The following CUL3 variants were observed in gnomAD, a reference collection of about 807,000 sequenced individuals.
The protein encoded by CUL3 is cullin-3.
Under a neutral mutation model 89.1 loss-of-function variants are expected in CUL3, and 19 were observed. That is an observed-to-expected ratio of 0.21 (90% confidence interval 0.15 to 0.31). The LOEUF (loss-of-function observed/expected upper bound fraction) is 0.31. Among genes scored for constraint, CUL3 ranks in the 10% least tolerant of loss-of-function variants. The pLI is 1.00. For missense variants in CUL3, 469 were observed against 942.3 expected (o/e 0.50, Z 6.58); for synonymous variants, 351 against 308.4 (o/e 1.14, Z -1.45).
intron 1 of CUL3, among the ~76,000 whole-genome samples, chr2:224,576,702 G>A (rs1695308202): frequency 6.8e-6 from 1 of 147,844 alleles, no homozygotes; most frequent in Non-Finnish European, 1.5e-5. Flanking sequence ...GGGGGGGGAG[G>A]AGAAGGAGGA....
chr2:224,471,750 C>T lies in CUL3; in HGVS notation c.*2495G>A, dbSNP rs1468853576. ...ATTTTCAGTCTTTAAATAATGTTAA[C>T]GATTCAAAATAAACACTGTCCTGGA... On this transcript the variant is annotated 3_prime_UTR_variant, in exon 16 of 16. Coordinates refer to ENST00000264414, the MANE Select transcript of CUL3 (RefSeq NM_003590.5). The T allele has an allele frequency of 4.5e-6, 1 of 224,666 alleles. No individual in the cohort carries two copies. Among genetic ancestry groups the T allele is most frequent in the Non-Finnish European group, 8.9e-6 (1 of 112,898 alleles). The allele number at this position is 224,666 out of a possible 1,614,324, so 13.9% of individuals were successfully genotyped here.
chr2:224,514,674 A>G lies in CUL3; in HGVS notation c.477T>C (p.Asp159=). ...TATCCAATAGAGTTTGCCGTAGATG[A>G]TCCCTAATACACCCATAACGTACAA... ...DQVVRYGCIR[D]HLRQTLLDMI... is the part of the protein sequence containing the mutation. Residue 159 remains aspartate (D), a synonymous_variant, in exon 4 of 16, where the codon GAT becomes GAC. Coordinates refer to ENST00000264414, the MANE Select transcript of CUL3 (RefSeq NM_003590.5). 1 of 1,613,788 alleles carries G rather than the reference A, an allele frequency of 6.2e-7. No homozygotes were observed. Among genetic ancestry groups the G allele is most frequent in the Middle Eastern group, 1.7e-4 (1 of 6,058 alleles).
At chr2:224,479,891 A>G (rs866234186) in intron 14 of CUL3, 11 of 152,188 alleles carry the variant, frequency 7.2e-5, no homozygotes, top group African/African-American at 2.7e-4. Flanking sequence ...GGTCACCTAA[A>G]TAAGTGTCTT....
chr2:224,555,182 C>A (rs1694655561), intron 2 of CUL3, among the ~76,000 whole-genome samples: 1 of 150,258 alleles, frequency 6.7e-6, no homozygotes, highest in African/African-American at 2.4e-5. Flanking sequence ...AAGGTATCTT[C>A]CAAGGATAAA....
intron 14 of CUL3, chr2:224,478,557 G>C (rs548680385): frequency 1.1e-3 from 462 of 413,482 alleles, no homozygotes; most frequent in Non-Finnish European, 1.6e-3. Context: ...TTAACTTTGA[G>C]ATAATAAAGT....
intron 1 of CUL3, chr2:224,569,956 CAAAAAAAAAAA>C (rs71062948): frequency 1.7e-5 from 1 of 57,292 alleles, no homozygotes; most frequent in Non-Finnish European, 3.3e-5. Flanking sequence ...GCTCCAGTCT[CAAAAAAAAAAA>C]AAAAAAAAAA....
Position 224,511,431 on chromosome 2 carries a change from A to G in CUL3, c.806T>C (p.Ile269Thr), listed in dbSNP as rs1574643598. Residue 269 changes from isoleucine (I) to threonine (T), a missense_variant, in exon 6 of 16, where the codon ATT (isoleucine) becomes ACT (threonine). Physicochemically the swap from Ile to Thr is moderately conservative, Grantham distance 89. Coordinates refer to ENST00000264414, the MANE Select transcript of CUL3 (RefSeq NM_003590.5). ...TACTATAGTCTTCATGTGCTTGGAA[A>G]TGAGTTCCCTTTCAACCACCTTTAC... ...PIVKVVERELISKHMKTIVEM... is the reference protein window; with the variant it reads ...PIVKVVERELTSKHMKTIVEM... The G allele has an allele frequency of 6.2e-7, 1 of 1,613,940 alleles. No homozygotes were observed. The highest frequency in any genetic ancestry group is 8.5e-7 in the Non-Finnish European group (1 of 1,179,902).
At chr2:224,542,184 T>C (rs1395476248) in intron 2 of CUL3, among the ~76,000 whole-genome samples, 1 of 152,212 alleles carries the variant, frequency 6.6e-6, no homozygotes, top group South Asian at 2.1e-4. Flanking sequence ...TGTTAAACAA[T>C]TTGAGTATAT....
chr2:224,572,980 G>T (rs959968973), intron 1 of CUL3, among the ~76,000 whole-genome samples: 6 of 152,166 alleles, frequency 3.9e-5, no homozygotes, highest in African/African-American at 1.4e-4. Flanking sequence ...ACCACAAAAA[G>T]ATTTCAAGAG....
At chr2:224,515,372 G>C (rs1693001959) in intron 3 of CUL3, among the ~76,000 whole-genome samples, 1 of 152,218 alleles carries the variant, frequency 6.6e-6, no homozygotes, top group Non-Finnish European at 1.5e-5. Flanking sequence ...ATCCAGAAGT[G>C]TTGTGCATTC....
chr2:224,571,456 G>A (rs1695178590), intron 1 of CUL3, among the ~76,000 whole-genome samples: 1 of 151,944 alleles, frequency 6.6e-6, no homozygotes, highest in Admixed American at 6.6e-5. Flanking sequence ...CAAATTGATT[G>A]TACCTAAATC....
At position 224,471,055 on chromosome 2, in the gene CUL3, A is replaced by T. The variant is rs887133977; in HGVS notation, c.*3190T>A. On this transcript the variant is annotated 3_prime_UTR_variant, in exon 16 of 16. Coordinates refer to ENST00000264414, the MANE Select transcript of CUL3 (RefSeq NM_003590.5). The stretch of plus-strand genomic sequence containing the variant: ...AAATATTCAGAATAGTATCTGGCAT[A>T]TGATAAGCACTTAAATGTTAACATT... 18 of 225,242 alleles carry T rather than the reference A, an allele frequency of 8.0e-5. No homozygotes were observed. In the East Asian group the frequency reaches 1.2e-3, roughly 15 times the overall value. 14.0% of individuals were successfully genotyped at this position (225,242 alleles called of 1,614,324 possible).
chr2:224,561,553 T>C (rs1158640443), intron 1 of CUL3, among the ~76,000 whole-genome samples: 2 of 152,214 alleles, frequency 1.3e-5, no homozygotes, highest in Non-Finnish European at 2.9e-5. Context: ...ATTCTGATCT[T>C]TTCTGAAGAG....
intron 6 of CUL3, among the ~76,000 whole-genome samples, chr2:224,508,775 C>T (rs960437159): frequency 6.6e-6 from 1 of 151,940 alleles, no homozygotes; most frequent in African/African-American, 2.4e-5. Context: ...CTGGCTAACA[C>T]GGTGAAACCC....
intron 13 of CUL3, among the ~76,000 whole-genome samples, chr2:224,484,754 T>C (rs773846011): frequency 3.3e-5 from 5 of 152,228 alleles, no homozygotes; most frequent in African/African-American, 7.2e-5. Flanking sequence ...ATCCATGGAA[T>C]TGAGGTCTTA....
chr2:224,506,796 CT>C (rs2106205400), intron 7 of CUL3, 61 bp downstream of exon 7: 1 of 1,522,694 alleles, frequency 6.6e-7, no homozygotes, highest in Admixed American at 1.9e-5. Flanking sequence ...TAAAAGTGGC[CT>C]TTTTAGCACT....
chr2:224,580,121 A>T (rs886920019), intron 1 of CUL3, among the ~76,000 whole-genome samples: 1 of 152,220 alleles, frequency 6.6e-6, no homozygotes, highest in Non-Finnish European at 1.5e-5. Flanking sequence ...GCTTTCTTTA[A>T]AAAGTTTTGT....
intron 1 of CUL3, among the ~76,000 whole-genome samples, chr2:224,565,060 G>A (rs899590066): frequency 3.3e-5 from 5 of 152,042 alleles, no homozygotes; most frequent in African/African-American, 1.2e-4. Flanking sequence ...TGAACCATGT[G>A]AGAGTTAGGA....
intron 2 of CUL3, among the ~76,000 whole-genome samples, chr2:224,557,280 A>G (rs1323487460): frequency 1.3e-5 from 2 of 152,156 alleles, no homozygotes; most frequent in Non-Finnish European, 2.9e-5. Context: ...TCTTAGAAAT[A>G]TATTTTAAAC....
Sources: allele counts gnomAD v4.1 joint callset (sites outside exome capture counted in the v4.1 genomes callset), GRCh38; gene constraint gnomAD v4.1.1; transcripts MANE v1.5; gene names NCBI Gene and HGNC (gene_info 2026-07-23, HGNC 2026-07-21).